PKNOX1: variants seen among roughly 807,000 people sequenced by gnomAD.
The protein encoded by PKNOX1 is PBX/knotted 1 homeobox 1, also known as homeobox protein PKNOX1.
PKNOX1 carries 15 observed loss-of-function variants against 51.9 expected under a neutral mutation model. The observed-to-expected ratio is 0.29, with a 90% CI of 0.19 to 0.45. The LOEUF (loss-of-function observed/expected upper bound fraction) is 0.45. Ranked by LOEUF, PKNOX1 falls within the 20% of genes least tolerant of loss-of-function variation. The pLI is 1.00. For missense variants in PKNOX1, 462 were observed against 547.5 expected (o/e 0.84, Z 1.56); for synonymous variants, 219 against 211.1 (o/e 1.04, Z -0.32).
At chr21:42,988,432 A>G (rs2059067726) in intron 1 of PKNOX1, among the ~76,000 whole-genome samples, 1 of 152,174 alleles carries the variant, frequency 6.6e-6, no homozygotes, top group Non-Finnish European at 1.5e-5. Context: ...GAGATATGAA[A>G]AACACATGGG....
intron 1 of PKNOX1, among the ~76,000 whole-genome samples, chr21:42,992,584 T>C (rs980258187): frequency 1.3e-5 from 2 of 152,130 alleles, no homozygotes; most frequent in Admixed American, 6.6e-5. Flanking sequence ...GGTGACGTAA[T>C]GACTGAGGAA....
chr21:43,004,068 T>C (rs1261770893), intron 1 of PKNOX1: 1 of 213,862 alleles, frequency 4.7e-6, no homozygotes. Context: ...AGAAACCCCG[T>C]CTCTACTAAA....
chr21:43,033,926 C>T lies in PKNOX1; in HGVS notation c.*3825C>T, dbSNP rs1028733958. 3 of 152,074 alleles carry T rather than the reference C, an allele frequency of 2.0e-5. No individual in the cohort carries two copies. 9.4% of individuals were successfully genotyped at this position (152,074 alleles called of 1,614,324 possible). A position where few individuals can be genotyped will look rare whatever the true frequency, so the allele number is the denominator to read the frequency against. ...AGCTAACATAATCCCTTTCATAGTT[C>T]ATATTATAAATTTTCATGACAAGAA... On this transcript the variant is annotated 3_prime_UTR_variant, in exon 11 of 11. Transcript: ENST00000291547.
Position 43,018,474 on chromosome 21 carries a change from C to A in PKNOX1, c.720+244C>A, listed in dbSNP as rs867216061. On this transcript the variant is annotated intron_variant, in intron 7 of 10. Transcript: ENST00000291547. ...GTCACTCATAACCACCCCCTGCCAC[C>A]CACACACACACACACACACACACAC... 2.1e-3 allele frequency among the ~76,000 whole-genome samples: 30 copies of A among 14,448 alleles called. 11 individuals carry two copies. Among genetic ancestry groups the A allele is most frequent in the Admixed American group, 8.3e-3 (16 of 1,932 alleles). The allele number at this position is 14,448 out of a possible 152,430, so 9.5% of individuals were successfully genotyped here. A position where few individuals can be genotyped will look rare whatever the true frequency, so the allele number is the denominator to read the frequency against.
At chr21:43,008,519 T>C (rs1979101018) in intron 3 of PKNOX1, among the ~76,000 whole-genome samples, 1 of 152,252 alleles carries the variant, frequency 6.6e-6, no homozygotes, top group Admixed American at 6.5e-5. Context: ...GGCTCACACC[T>C]GTAATCCCAG....
chr21:42,981,976 C>T (rs1388395721), intron 1 of PKNOX1, among the ~76,000 whole-genome samples: 1 of 152,206 alleles, frequency 6.6e-6, no homozygotes, highest in East Asian at 1.9e-4. Flanking sequence ...GGCTCTTGGC[C>T]TTCCGCTTCA....
chr21:43,031,657 C>T lies in PKNOX1; in HGVS notation c.*1556C>T, dbSNP rs1221620373. 1 of 153,060 alleles carries T rather than the reference C, an allele frequency of 6.5e-6. No individual in the cohort carries two copies. The highest frequency in any genetic ancestry group is 1.9e-4 in the East Asian group (1 of 5,224). The allele number at this position is 153,060 out of a possible 1,614,324, so 9.5% of individuals were successfully genotyped here. The stretch of plus-strand genomic sequence containing the variant: ...CATTTGTTTACAGGGTCGGGAATGT[C>T]TTCAGTTCTTGAGAGTCAACAGTAA... On this transcript the variant is annotated 3_prime_UTR_variant, in exon 11 of 11. Transcript: ENST00000291547.
rs778864701 is a variant in PKNOX1, at chr21:43,007,475, C to T, written c.52-16C>T. On this transcript the variant is annotated splice_polypyrimidine_tract_variant and intron_variant, in intron 2 of 10. Transcript: ENST00000291547. ...GTTTGTGTTTGCTAATAAGAATTAT[C>T]TTCCTCCTTTTACAGATGCAAGTAG... is the stretch of plus-strand genomic sequence containing the variant. 20 of 1,612,444 alleles carry T rather than the reference C, an allele frequency of 1.2e-5. No individual in the cohort carries two copies. Among genetic ancestry groups the T allele is most frequent in the Non-Finnish European group, 1.7e-5 (20 of 1,178,622 alleles).
intron 4 of PKNOX1, 137 bp downstream of exon 4, chr21:43,010,361 G>A (rs1354823381): frequency 3.9e-6 from 2 of 516,918 alleles, no homozygotes; most frequent in Non-Finnish European, 6.7e-6. Flanking sequence ...GAATTTTTAT[G>A]GTGTGTGTAA....
chr21:43,031,805 T>C lies in PKNOX1; in HGVS notation c.*1704T>C, dbSNP rs1361125379. The stretch of plus-strand genomic sequence containing the variant: ...AGTGGGAAACACACAGAAATTTGTT[T>C]TAAAATCTTTCAGGAGCTTTACTGA... On this transcript the variant is annotated 3_prime_UTR_variant, in exon 11 of 11. Coordinates refer to ENST00000291547, the MANE Select transcript of PKNOX1 (RefSeq NM_004571.5). 1 of 154,712 alleles carries C rather than the reference T, an allele frequency of 6.5e-6. No individual in the cohort carries two copies. The highest frequency in any genetic ancestry group is 1.4e-5 in the Non-Finnish European group (1 of 69,474). The allele number at this position is 154,712 out of a possible 1,614,324, so 9.6% of individuals were successfully genotyped here.
At chr21:42,998,265 T>A (rs1208629442) in intron 1 of PKNOX1, among the ~76,000 whole-genome samples, 1 of 152,146 alleles carries the variant, frequency 6.6e-6, no homozygotes, top group Non-Finnish European at 1.5e-5. Context: ...TTGTGGGACT[T>A]ATTCGCTATC....
intron 8 of PKNOX1, among the ~76,000 whole-genome samples, chr21:43,022,197 A>G (rs1013182694): frequency 2.6e-5 from 4 of 152,170 alleles, no homozygotes; most frequent in Admixed American, 1.3e-4. Flanking sequence ...GGCTGTGGCC[A>G]TATCCGCCTG....
chr21:43,017,677 C>A (rs1601297060), intron 6 of PKNOX1: 1 of 154,630 alleles, frequency 6.5e-6, no homozygotes, highest in South Asian at 2.0e-4. Flanking sequence ...CAGAGGCTAG[C>A]AAAAGGAAGG....
At chr21:43,026,986 C>T (rs1247625794) in intron 9 of PKNOX1, among the ~76,000 whole-genome samples, 3 of 151,832 alleles carry the variant, frequency 2.0e-5, no homozygotes, top group African/African-American at 7.3e-5. Context: ...AGAGCTGATC[C>T]AGTTCTAGTG....
chr21:43,032,331 G>GTCTCTTCGTCCCTCACCACCCTCCA lies in PKNOX1; in HGVS notation c.*2238_*2239insTCCCTCACCACCCTCCATCTCTTCG. On this transcript the variant is annotated 3_prime_UTR_variant, in exon 11 of 11. Transcript: ENST00000291547. ...CTTCCTCCTTCCCTCACCACCCTCC[G>GTCTCTTCGTCCCTCACCACCCTCCA]TCTCTTCGGCTGCTTGCTCTTTAGT... The GTCTCTTCGTCCCTCACCACCCTCCA allele has an allele frequency of 2.5e-6, 1 of 406,018 alleles. No homozygotes were observed. The highest frequency in any genetic ancestry group is 5.0e-6 in the Non-Finnish European group (1 of 199,322). 25.2% of individuals were successfully genotyped at this position (406,018 alleles called of 1,614,324 possible).
At chr21:42,977,723 ATTT>A (rs1329570650) in intron 1 of PKNOX1, among the ~76,000 whole-genome samples, 3 of 151,416 alleles carry the variant, frequency 2.0e-5, no homozygotes, top group Non-Finnish European at 4.4e-5. Flanking sequence ...AATTTTTTGT[ATTT>A]TTAGTAGAGA....
rs183204661 is a variant in PKNOX1 at position 43,023,220 on chromosome 21, G to C, written c.850-1651G>C. ...ATTTTATGAGCTTTTTAAAGGGGGA[G>C]AACAGTATTTCTGTTTCCATGACCT... On this transcript the variant is annotated intron_variant, in intron 8 of 10. Transcript: ENST00000291547. Among the ~76,000 whole-genome samples the C allele has an allele frequency of 3.0e-4, 45 of 152,020 alleles. 1 individual carries two copies. In the East Asian group the frequency reaches 8.5e-3, roughly 29 times the overall value.
At chr21:43,006,222 C>T (rs1978981749) in intron 2 of PKNOX1, among the ~76,000 whole-genome samples, 1 of 152,170 alleles carries the variant, frequency 6.6e-6, no homozygotes, top group African/African-American at 2.4e-5. Flanking sequence ...CTCCCAGGTT[C>T]AAGCAATTCT....
rs1471663268 is a variant in PKNOX1, at chr21:43,013,130, C to T, written c.414C>T (p.Leu138=). 6.2e-7 allele frequency: 1 copy of T among 1,613,786 alleles called. No homozygotes were observed. Among genetic ancestry groups the T allele is most frequent in the African/African-American group, 1.3e-5 (1 of 74,922 alleles). ...TTGAGCTGGAAAAGGTTAACGAACT[C>T]TGCAAAGATTTCTGCAGTCGATACA... is the stretch of plus-strand genomic sequence containing the variant. ...HLLELEKVNE[L]CKDFCSRYIA... Residue 138 remains leucine (L), a synonymous_variant, in exon 5 of 11, where the codon CTC becomes CTT. Coordinates refer to ENST00000291547, the MANE Select transcript of PKNOX1 (RefSeq NM_004571.5).
Sources: gnomAD v4.1 joint callset for allele counts (sites outside exome capture counted in the v4.1 genomes callset) on GRCh38, gnomAD v4.1.1 for gene constraint, MANE v1.5 for transcripts, NCBI Gene and HGNC (gene_info 2026-07-23, HGNC 2026-07-21) for gene names.